The following PATZ1 variants were observed in gnomAD, a reference collection of about 807,000 sequenced individuals.
PATZ1 encodes the protein POZ/BTB and AT hook containing zinc finger 1.
In PATZ1, 9 loss-of-function variants were observed where a neutral mutation model predicts 46.2. The ratio of observed to expected loss-of-function variants is 0.19; its 90% CI spans 0.12 to 0.34. PATZ1 has a LOEUF of 0.34. Among genes scored for constraint, PATZ1 ranks in the 10% least tolerant of loss-of-function variants. The pLI is 1.00. For synonymous variants in PATZ1, 426 were observed against 378.6 expected, an observed-to-expected ratio of 1.13 and a Z score of -1.45; for missense variants, 632 against 923.0, an observed-to-expected ratio of 0.68 and a Z score of 4.08.
chr22:31,336,222 C>T (rs75226895), intron 2 of PATZ1, among the ~76,000 whole-genome samples: 146 of 152,300 alleles, frequency 9.6e-4, no homozygotes, highest in Non-Finnish European at 1.7e-3. Context: ...CTATAATGCA[C>T]AGAATTACAT....
At chr22:31,329,362 CTGCTTAAT>C (rs1461078233) in intron 3 of PATZ1, among the ~76,000 whole-genome samples, 6 of 152,212 alleles carry the variant, frequency 3.9e-5, no homozygotes, top group Non-Finnish European at 7.3e-5. Context: ...AGCAGGATGC[CTGCTTAAT>C]CCTCGTAAAA....
In PATZ1 at chr22:31,326,264, C is replaced by G; in HGVS notation, c.*627G>C. ...CTGAAATTTGGGGTGGGGGTGTCCT[C>G]AACAGCTGAGCTTGTCCTAGCAGTG... On this transcript the variant is annotated 3_prime_UTR_variant, in exon 5 of 5. Transcript: ENST00000266269. 1 of 228,718 alleles carries G rather than the reference C, an allele frequency of 4.4e-6. No homozygotes were observed. Among genetic ancestry groups the G allele is most frequent in the African/African-American group, 2.2e-5 (1 of 45,176 alleles). 14.2% of individuals were successfully genotyped at this position (228,718 alleles called of 1,614,324 possible).
chr22:31,327,066 C>T lies in PATZ1; in HGVS notation c.1889G>A (p.Arg630Gln), dbSNP rs994508743. The change falls in exon 5 of 5, where the codon CGG becomes CAG. Residue 630 changes from arginine to glutamine, a missense_variant. Transcript: ENST00000266269. The surrounding 1 kb of genome is among the most constrained non-coding windows in gnomAD (Gnocchi z 4.2). ...LNKHIQKVHV[R>Q]ALGGPLGDLG... is the part of the protein sequence containing the mutation. The stretch of plus-strand genomic sequence containing the variant: ...GTCCCCCAGGGGGCCCCCGAGAGCC[C>T]GGACATGCACCTTCTGGATGTGTTT... 3.1e-6 allele frequency: 5 copies of T among 1,614,104 alleles called. No homozygotes were observed. The highest frequency in any genetic ancestry group is 1.7e-5 in the Admixed American group (1 of 60,018).
chr22:31,327,410 AG>A lies in PATZ1; in HGVS notation c.1646-102del. On this transcript the variant is annotated intron_variant, in intron 4 of 4. Coordinates refer to ENST00000266269, the MANE Select transcript of PATZ1 (RefSeq NM_014323.3). This position sits in a 1 kb window ranked among gnomAD's most constrained non-coding sequence, Gnocchi z 4.2. ...GCCAGCTCACAGACCTGTGGAGGGCAGCCATTGGCCAGCCACTGCCCTGGCA... is the reference window on the plus strand; with the variant it reads ...GCCAGCTCACAGACCTGTGGAGGGCACCATTGGCCAGCCACTGCCCTGGCA... 2.0e-6 allele frequency: 2 copies of A among 1,000,536 alleles called. No homozygotes were observed. The highest frequency in any genetic ancestry group is 2.9e-6 in the Non-Finnish European group (2 of 683,264). 62.0% of individuals were successfully genotyped at this position (1,000,536 alleles called of 1,614,324 possible). A position where few individuals can be genotyped will look rare whatever the true frequency, so the allele number is the denominator to read the frequency against.
Position 31,327,193 on chromosome 22 carries a change from A to C in PATZ1, c.1762T>G (p.Cys588Gly). The change falls in exon 5 of 5, where the codon TGC (cysteine) becomes GGC (glycine). Residue 588 changes from cysteine (C) to glycine (G), a missense_variant. By Grantham distance (159) the Cys-to-Gly change is radical. Around this residue, in one of 7 missense-constraint regions of PATZ1, gnomAD observed 176 missense variants for 249.4 expected, o/e 0.71. Coordinates refer to ENST00000266269, the MANE Select transcript of PATZ1 (RefSeq NM_014323.3). The surrounding 1 kb of genome is among the most constrained non-coding windows in gnomAD (Gnocchi z 4.2). ...TTGTTTTTGGGGACTGCCATGTCGC[A>C]GGAGAAAGAGCCATTGGCACTCTGC... ...EKQSANGSFS[C>G]DMAVPKNKME... 1 of 1,614,234 alleles carries C rather than the reference A, an allele frequency of 6.2e-7. No individual in the cohort carries two copies. The highest frequency in any genetic ancestry group is 2.2e-5 in the East Asian group (1 of 44,890).
intron 3 of PATZ1, among the ~76,000 whole-genome samples, chr22:31,334,915 G>A (rs891357756): frequency 6.6e-6 from 1 of 152,176 alleles, no homozygotes; most frequent in East Asian, 1.9e-4. Flanking sequence ...CCATGCAGAA[G>A]CATCCTCACG....
chr22:31,344,529 C>T lies in PATZ1; in HGVS notation c.1074G>A (p.Glu358=), dbSNP rs905413876. The change falls in exon 1 of 5, where the codon GAG becomes GAA. Residue 358 remains glutamate (E), a synonymous_variant. Coordinates refer to ENST00000266269, the MANE Select transcript of PATZ1 (RefSeq NM_014323.3). Reference sequence around the variant, plus strand: ...CATCACGGAAGATCTTGCCGCAGATCTCACAAGCCACCTGCTTCCTGGTCC... The same window carrying T: ...CATCACGGAAGATCTTGCCGCAGATTTCACAAGCCACCTGCTTCCTGGTCC... ...RSRTRKQVAC[E]ICGKIFRDVY... 3 of 1,614,244 alleles carry T rather than the reference C, an allele frequency of 1.9e-6. No homozygotes were observed. The highest frequency in any genetic ancestry group is 2.5e-6 in the Non-Finnish European group (3 of 1,180,032).
At chr22:31,343,384 C>T in intron 1 of PATZ1, 2 of 988,484 alleles carry the variant, frequency 2.0e-6, no homozygotes, top group Non-Finnish European at 2.4e-6. Flanking sequence ...CCGCCACGGG[C>T]AGCCAATGAA....
At chr22:31,331,267 T>C (rs555784845) in intron 3 of PATZ1, among the ~76,000 whole-genome samples, 5 of 152,104 alleles carry the variant, frequency 3.3e-5, no homozygotes, top group Non-Finnish European at 7.4e-5. Flanking sequence ...CCAGGAGACA[T>C]TGGCTCCCAC....
chr22:31,332,092 C>A (rs2049451226), intron 3 of PATZ1, among the ~76,000 whole-genome samples: 1 of 152,242 alleles, frequency 6.6e-6, no homozygotes, highest in African/African-American at 2.4e-5. Context: ...GTCTGGGCAA[C>A]AACAGCGAAA....
intron 3 of PATZ1, among the ~76,000 whole-genome samples, chr22:31,329,615 C>T (rs2049412139): frequency 6.6e-6 from 1 of 152,204 alleles, no homozygotes; most frequent in African/African-American, 2.4e-5. Flanking sequence ...GATTTTGGAG[C>T]ATCCACCAGG....
Position 31,345,724 on chromosome 22 carries a change from T to TA in PATZ1, c.-123_-122insT. ...CTCCCCACACGTGCCGGCCCGAGGC[T>TA]CTGTAGTCTCGCAGGTGCGCCGAGT... is the stretch of plus-strand genomic sequence containing the variant. On this transcript the variant is annotated 5_prime_UTR_variant, in exon 1 of 5. Transcript: ENST00000266269. This position sits in a 1 kb window ranked among gnomAD's most constrained non-coding sequence, Gnocchi z 7.4. 2.0e-6 allele frequency: 2 copies of TA among 1,014,614 alleles called. No individual in the cohort carries two copies. The highest frequency in any genetic ancestry group is 2.8e-6 in the Non-Finnish European group (2 of 719,828). The allele number at this position is 1,014,614 out of a possible 1,614,324, so 62.9% of individuals were successfully genotyped here.
At chr22:31,343,100 A>G (rs1371144887) in intron 1 of PATZ1, 140 bp from the exon 2 acceptor site, 1 of 1,448,460 alleles carries the variant, frequency 6.9e-7, no homozygotes, top group East Asian at 2.6e-5. Flanking sequence ...CATGACAAAG[A>G]CAAAGTCACC....
At position 31,327,555 on chromosome 22, in the gene PATZ1, T is replaced by TA. The variant is rs2049383454; in HGVS notation, c.1646-247dup. The stretch of plus-strand genomic sequence containing the variant: ...TGGACTCTTCATGCAGCTGCACATG[T>TA]ACTGCTCACCGTCATCTCAGCCTGC... On this transcript the variant is annotated intron_variant, in intron 4 of 4. Coordinates refer to ENST00000266269, the MANE Select transcript of PATZ1 (RefSeq NM_014323.3). This position sits in a 1 kb window ranked among gnomAD's most constrained non-coding sequence, Gnocchi z 4.2. Among the ~76,000 whole-genome samples the TA allele has an allele frequency of 6.6e-6, 1 of 152,148 alleles. No individual in the cohort carries two copies. Among genetic ancestry groups the TA allele is most frequent in the Non-Finnish European group, 1.5e-5 (1 of 68,010 alleles).
In PATZ1 at chr22:31,344,819, T is replaced by C; in HGVS notation, c.784A>G (p.Thr262Ala). Residue 262 changes from threonine (T) to alanine (A), a missense_variant, in exon 1 of 5, where the codon ACT becomes GCT. Transcript: ENST00000266269. ...GGGCGGCCCCGGCCTCGCTTGCCAG[T>C]CAGGGGAGGGGCACTGGATGCCACA... ...PSVASSAPPL[T>A]GKRGRGRPRK... The C allele has an allele frequency of 1.9e-6, 3 of 1,610,420 alleles. No individual in the cohort carries two copies. Among genetic ancestry groups the C allele is most frequent in the African/African-American group, 2.7e-5 (2 of 75,016 alleles).
chr22:31,330,856 G>A (rs538785152), intron 3 of PATZ1, among the ~76,000 whole-genome samples: 6 of 152,234 alleles, frequency 3.9e-5, no homozygotes, highest in African/African-American at 1.2e-4. Flanking sequence ...TGTATTTTTC[G>A]ACCATAATGG....
rs1569022044 is a variant in PATZ1, at chr22:31,325,804, T to C, written c.*1087A>G. 1 of 183,598 alleles carries C rather than the reference T, an allele frequency of 5.4e-6. No individual in the cohort carries two copies. The highest frequency in any genetic ancestry group is 6.3e-5 in the Admixed American group (1 of 15,966). The allele number at this position is 183,598 out of a possible 1,614,324, so 11.4% of individuals were successfully genotyped here. A position where few individuals can be genotyped will look rare whatever the true frequency, so the allele number is the denominator to read the frequency against. On this transcript the variant is annotated 3_prime_UTR_variant, in exon 5 of 5. Coordinates refer to ENST00000266269, the MANE Select transcript of PATZ1 (RefSeq NM_014323.3). ...GAAAAACTGGACTCAAGGGAGCAGA[T>C]AGAGTAATGTACTAACATTTTTAAT...
intron 2 of PATZ1, 86 bp downstream of exon 2, chr22:31,342,811 G>A (rs571560913): frequency 6.6e-5 from 97 of 1,472,924 alleles, no homozygotes; most frequent in South Asian, 3.6e-4. Flanking sequence ...CCGGGCCCCC[G>A]GCACACGCAG....
chr22:31,325,851 A>T lies in PATZ1; in HGVS notation c.*1040T>A. ...TAATACAGTCTGATCAGATCAATTC[A>T]CATCACAAGGTCAACCTGGGCTTGC... On this transcript the variant is annotated 3_prime_UTR_variant, in exon 5 of 5. Coordinates refer to ENST00000266269, the MANE Select transcript of PATZ1 (RefSeq NM_014323.3). The T allele has an allele frequency of 5.0e-6, 1 of 199,802 alleles. No individual in the cohort carries two copies. Among genetic ancestry groups the T allele is most frequent in the East Asian group, 7.7e-5 (1 of 13,004 alleles). The allele number at this position is 199,802 out of a possible 1,614,324, so 12.4% of individuals were successfully genotyped here.
Sources: gnomAD v4.1 joint callset for allele counts (sites outside exome capture counted in the v4.1 genomes callset) on GRCh38, gnomAD v4.1.1 for gene constraint, gnomAD v4.1.1 regional missense constraint, Gnocchi (gnomAD v3.1) non-coding constraint, MANE v1.5 for transcripts, NCBI Gene and HGNC (gene_info 2026-07-23, HGNC 2026-07-21) for gene names.